The following MYO9B variants were observed in gnomAD, a reference collection of about 807,000 sequenced individuals.
The protein encoded by MYO9B is myosin IXB, also known as unconventional myosin-IXb.
Under a neutral mutation model 229.5 loss-of-function variants are expected in MYO9B, and 71 were observed. The observed-to-expected ratio is 0.31, with a 90% CI of 0.26 to 0.38. The LOEUF (loss-of-function observed/expected upper bound fraction) is 0.38, where lower values mean the gene tolerates loss of function less well. Ranked by LOEUF, MYO9B falls within the 10% of genes least tolerant of loss-of-function variation. The pLI is 1.00. For synonymous variants in MYO9B, 1,185 were observed against 1,235.8 expected (o/e 0.96, Z 0.86); for missense variants, 2,255 against 2,920.5 (o/e 0.77, Z 5.25).
intron 2 of MYO9B, among the ~76,000 whole-genome samples, chr19:17,113,850 C>T (rs1487951397): frequency 1.3e-5 from 2 of 152,190 alleles, no homozygotes; most frequent in South Asian, 2.1e-4. Flanking sequence ...ACCCCAGAGG[C>T]GACGAGAAAG....
chr19:17,202,743 G>A (rs1030524149), intron 28 of MYO9B, 99 bp from the exon 29 acceptor site: 3 of 1,246,286 alleles, frequency 2.4e-6, no homozygotes, highest in Admixed American at 2.1e-5. Context: ...GTGAGGGAGG[G>A]TTCAGGGTAC....
intron 13 of MYO9B, 26 bp from the exon 14 acceptor site, chr19:17,175,637 C>A: frequency 6.5e-7 from 1 of 1,537,950 alleles, no homozygotes; most frequent in Non-Finnish European, 8.8e-7. Context: ...CCATCCCCAC[C>A]ACCATCCACT....
chr19:17,125,622 G>A (rs551462745), intron 2 of MYO9B, among the ~76,000 whole-genome samples: 2 of 152,272 alleles, frequency 1.3e-5, no homozygotes, highest in Admixed American at 6.5e-5. Flanking sequence ...AGCCCTGGGA[G>A]TCCTTGCTGC....
intron 2 of MYO9B, among the ~76,000 whole-genome samples, chr19:17,120,268 G>A (rs78723722): frequency 0.011 from 1,719 of 152,314 alleles, 35 homozygotes; most frequent in African/African-American, 0.038. Flanking sequence ...CAGCGTTGGA[G>A]TGAGCGCCCA....
chr19:17,081,509 G>A (rs1375806434), intron 1 of MYO9B, among the ~76,000 whole-genome samples: 1 of 152,002 alleles, frequency 6.6e-6, no homozygotes, highest in African/African-American at 2.4e-5. Flanking sequence ...ATTCAGGGGT[G>A]ACTAAAGAGA....
At position 17,101,143 on chromosome 19, in the gene MYO9B, C is replaced by CT. The variant is rs976856034; in HGVS notation, c.-58-515dup. ...AGCAAACTCAGGGGAAGGGTCAGGT[C>CT]TTGGGGTTGTCTGATGATGTCACTT... On this transcript the variant is annotated intron_variant, in intron 1 of 39. Transcript: ENST00000682292. The surrounding 1 kb of genome is among the most constrained non-coding windows in gnomAD (Gnocchi z 4.7). Among the ~76,000 whole-genome samples, 27 of 151,114 alleles carry CT rather than the reference C, an allele frequency of 1.8e-4. No homozygotes were observed. The highest frequency in any genetic ancestry group is 6.3e-4 in the African/African-American group (26 of 41,162).
chr19:17,199,851 C>T (rs1381955043), intron 24 of MYO9B, among the ~76,000 whole-genome samples: 1 of 150,846 alleles, frequency 6.6e-6, no homozygotes, highest in Non-Finnish European at 1.5e-5. Flanking sequence ...CAGCCAGATC[C>T]ATTTTTGTTT....
At chr19:17,110,788 C>T (rs1028871324) in intron 2 of MYO9B, among the ~76,000 whole-genome samples, 1 of 152,132 alleles carries the variant, frequency 6.6e-6, no homozygotes, top group African/African-American at 2.4e-5. Flanking sequence ...GAGCCAAGCT[C>T]ACCCGAAGTT....
intron 2 of MYO9B, among the ~76,000 whole-genome samples, chr19:17,102,818 G>A (rs1163349601): frequency 6.6e-6 from 1 of 151,674 alleles, no homozygotes; most frequent in Non-Finnish European, 1.5e-5. Flanking sequence ...GAGGCAGGAG[G>A]ATCACTTGAG....
rs1304587348 is a variant in MYO9B at position 17,207,253 on chromosome 19, C to T, written c.5624+9C>T. 5 of 1,589,990 alleles carry T rather than the reference C, an allele frequency of 3.1e-6. No homozygotes were observed. In the African/African-American group the frequency reaches 4.0e-5, roughly 13 times the overall value. The stretch of plus-strand genomic sequence containing the variant: ...GTCCTCAAGATCACCACGTGAGTGC[C>T]CACCCTGCCCCGGAGGCATGCTCAG... On this transcript the variant is annotated intron_variant, in intron 35 of 39. Coordinates refer to ENST00000682292, the MANE Select transcript of MYO9B (RefSeq NM_004145.4).
chr19:17,184,011 G>T (rs984961314), intron 16 of MYO9B, 143 bp downstream of exon 16: 11 of 829,368 alleles, frequency 1.3e-5, no homozygotes, highest in Non-Finnish European at 2.0e-5. Flanking sequence ...AAATGTTCTC[G>T]TGTTGAGATG....
Position 17,210,837 on chromosome 19 carries a change from C to A in MYO9B, c.5919C>A (p.Ile1973=). The A allele has an allele frequency of 6.3e-7, 1 of 1,599,068 alleles. No individual in the cohort carries two copies. The highest frequency in any genetic ancestry group is 8.5e-7 in the Non-Finnish European group (1 of 1,173,250). ...KEILIERIQS[I]KEEKEDITYR... is the part of the protein sequence containing the mutation. ...TTCTCATTGAACGGATCCAGTCCAT[C>A]AAGGAGGAGAAGCAAGTGGCTCAGT... The change falls in exon 38 of 40, where the codon ATC becomes ATA. Residue 1973 remains isoleucine, a synonymous_variant. Coordinates refer to ENST00000682292, the MANE Select transcript of MYO9B (RefSeq NM_004145.4).
intron 6 of MYO9B, among the ~76,000 whole-genome samples, chr19:17,155,472 C>A (rs547764701): frequency 6.6e-6 from 1 of 152,210 alleles, no homozygotes; most frequent in Admixed American, 6.5e-5. Flanking sequence ...CAAGCCACCG[C>A]GCCCAGCAAT....
Position 17,194,609 on chromosome 19 carries a change from C to G in MYO9B, c.3182C>G (p.Ala1061Gly). The G allele has an allele frequency of 6.2e-7, 1 of 1,612,866 alleles. No homozygotes were observed. The highest frequency in any genetic ancestry group is 8.5e-7 in the Non-Finnish European group (1 of 1,179,876). The change falls in exon 22 of 40, where the codon GCC (alanine) becomes GGC (glycine). Residue 1061 changes from alanine (A) to glycine (G), a missense_variant. Transcript: ENST00000682292. ...KQKAEEKERE[A>G]LEAARAGAEE... ...AAGGCAGAAGAGAAGGAGAGGGAAG[C>G]CCTGGAAGCCGCAAGAGCAGGTGCT...
At chr19:17,121,213 G>A (rs1247685561) in intron 2 of MYO9B, among the ~76,000 whole-genome samples, 4 of 152,106 alleles carry the variant, frequency 2.6e-5, no homozygotes, top group African/African-American at 9.7e-5. Context: ...AAAAGGCTGG[G>A]ATTCCAGACG....
intron 2 of MYO9B, among the ~76,000 whole-genome samples, chr19:17,125,020 C>T (rs1470845728): frequency 6.6e-6 from 1 of 151,990 alleles, no homozygotes; most frequent in Non-Finnish European, 1.5e-5. Context: ...CAAGATGAGG[C>T]CAGCTGCGGT....
intron 9 of MYO9B, among the ~76,000 whole-genome samples, chr19:17,162,741 T>G (rs920835179): frequency 6.6e-6 from 1 of 152,060 alleles, no homozygotes; most frequent in Non-Finnish European, 1.5e-5. Context: ...AAGGATTGCT[T>G]GAGCCCAGGA....
chr19:17,117,661 G>GA (rs1262992116), intron 2 of MYO9B, among the ~76,000 whole-genome samples: 8 of 152,126 alleles, frequency 5.3e-5, no homozygotes, highest in African/African-American at 1.9e-4. Context: ...TTCTCAGCCC[G>GA]ATGCGGTGGC....
intron 2 of MYO9B, among the ~76,000 whole-genome samples, chr19:17,122,552 T>C (rs1210251892): frequency 2.6e-5 from 4 of 152,082 alleles, no homozygotes; most frequent in African/African-American, 9.7e-5. Flanking sequence ...ACTCCCCTCA[T>C]ACCTCCTTAA....
Sources: gnomAD v4.1 joint callset for allele counts (sites outside exome capture counted in the v4.1 genomes callset) on GRCh38, gnomAD v4.1.1 for gene constraint, Gnocchi (gnomAD v3.1) non-coding constraint, MANE v1.5 for transcripts, NCBI Gene and HGNC (gene_info 2026-07-23, HGNC 2026-07-21) for gene names.